Variants in MMP21 observed in about 807,000 individuals in gnomAD.
MMP21 encodes the protein matrix metallopeptidase 21, also known as matrix metalloproteinase-21.
In MMP21, 40 loss-of-function variants were observed where a neutral mutation model predicts 47.8. The ratio of observed to expected loss-of-function variants is 0.84; its 90% CI spans 0.65 to 1.09. The LOEUF (loss-of-function observed/expected upper bound fraction) is 1.09, where lower values mean the gene tolerates loss of function less well. Among genes scored for constraint, MMP21 ranks in the 50% least tolerant of loss-of-function variants. The pLI, the probability that MMP21 is intolerant of heterozygous loss-of-function variation, is 0.00. For synonymous variants in MMP21, 341 were observed against 318.0 expected (o/e 1.07, Z -0.77); for missense variants, 747 against 775.3 (o/e 0.96, Z 0.43).
Position 125,773,894 on chromosome 10 carries a change from C to G in MMP21, c.634G>C (p.Asp212His), listed in dbSNP as rs1311560538. The G allele has an allele frequency of 6.3e-7, 1 of 1,579,958 alleles. No individual in the cohort carries two copies. Among genetic ancestry groups the G allele is most frequent in the Non-Finnish European group, 8.5e-7 (1 of 1,170,138 alleles). ...FRMWSEVTPL[D>H]FREDLAAPGA... ...GGGGCGGCCAGGTCCTCGCGGAAGTCCAGCGGCGTCACCTCGCTCCACATC... is the reference window on the plus strand; with the variant it reads ...GGGGCGGCCAGGTCCTCGCGGAAGTGCAGCGGCGTCACCTCGCTCCACATC... The change falls in exon 2 of 7, where the codon GAC (aspartate) becomes CAC (histidine). Residue 212 changes from aspartate to histidine, a missense_variant. Coordinates refer to ENST00000368808, the MANE Select transcript of MMP21 (RefSeq NM_147191.1). The surrounding 1 kb of genome is among the most constrained non-coding windows in gnomAD (Gnocchi z 4.8).
chr10:125,772,274 T>A lies in MMP21; in HGVS notation c.923A>T (p.Gln308Leu). The A allele has an allele frequency of 1.2e-6, 2 of 1,614,176 alleles. No homozygotes were observed. The highest frequency in any genetic ancestry group is 1.7e-6 in the Non-Finnish European group (2 of 1,180,026). The stretch of plus-strand genomic sequence containing the variant: ...CCAGTCCAACTCAAAGGCAGGCTCC[T>A]GGGGAATGTAATTTGGTTGCATTAT... ...GSIMQPNYIPQEPAFELDWSD... is the reference protein window; with the variant it reads ...GSIMQPNYIPLEPAFELDWSD... Residue 308 changes from glutamine (Q) to leucine (L), a missense_variant, in exon 4 of 7, where the codon CAG (glutamine) becomes CTG (leucine). Physicochemically the swap from Gln to Leu is moderately radical, Grantham distance 113. Transcript: ENST00000368808. The surrounding 1 kb of genome is among the most constrained non-coding windows in gnomAD (Gnocchi z 5.6).
At position 125,772,293 on chromosome 10, in the gene MMP21, G is replaced by T. The variant is rs751663187; in HGVS notation, c.904C>A (p.Gln302Lys). The change falls in exon 4 of 7, where the codon CAA (glutamine) becomes AAA (lysine). Residue 302 changes from glutamine (Q) to lysine (K), a missense_variant. Coordinates refer to ENST00000368808, the MANE Select transcript of MMP21 (RefSeq NM_147191.1). The surrounding 1 kb of genome is among the most constrained non-coding windows in gnomAD (Gnocchi z 5.6). ...PHTYRTGSIM[Q>K]PNYIPQEPAF... ...GGCTCCTGGGGAATGTAATTTGGTTGCATTATGGATCCCGTCCTGTAGGTG... is the reference window on the plus strand; with the variant it reads ...GGCTCCTGGGGAATGTAATTTGGTTTCATTATGGATCCCGTCCTGTAGGTG... 2.5e-6 allele frequency: 4 copies of T among 1,614,210 alleles called. No homozygotes were observed. Among genetic ancestry groups the T allele is most frequent in the Non-Finnish European group, 3.4e-6 (4 of 1,180,030 alleles).
Position 125,773,034 on chromosome 10 carries a change from G to C in MMP21, c.698-284C>G, listed in dbSNP as rs566100490. On this transcript the variant is annotated intron_variant, in intron 2 of 6. Coordinates refer to ENST00000368808, the MANE Select transcript of MMP21 (RefSeq NM_147191.1). This position sits in a 1 kb window ranked among gnomAD's most constrained non-coding sequence, Gnocchi z 4.8. ...GGGGGCCTGGGAAGATGGCAAAAAG[G>C]CCTCACCCGGACAAGATCGGGGCCG... Among the ~76,000 whole-genome samples, 24 of 152,374 alleles carry C rather than the reference G, an allele frequency of 1.6e-4. No homozygotes were observed. The highest frequency in any genetic ancestry group is 5.5e-4 in the African/African-American group (23 of 41,588).
intron 1 of MMP21, 143 bp downstream of exon 1, chr10:125,775,514 ACTC>A: frequency 9.9e-7 from 1 of 1,006,688 alleles, no homozygotes; most frequent in South Asian, 2.0e-5. Flanking sequence ...CACAGGAGCC[ACTC>A]CTCCCTCTCA....
At position 125,770,585 on chromosome 10, in the gene MMP21, C is replaced by G. The variant is rs1288949568; in HGVS notation, c.986G>C (p.Cys329Ser). The change falls in exon 5 of 7, where the codon TGT becomes TCT. Residue 329 changes from cysteine (C) to serine (S), a missense_variant. By Grantham distance (112) the Cys-to-Ser change is moderately radical (BLOSUM62 -1). Transcript: ENST00000368808. ...AAACGCAGTATCAAATGATCCCTCA[C>G]AGGAGCCTTAAAAAAACAAACAAAA... ...RKAIQKLYGS[C>S]EGSFDTAFDW... 1 of 1,612,338 alleles carries G rather than the reference C, an allele frequency of 6.2e-7. No individual in the cohort carries two copies. The highest frequency in any genetic ancestry group is 8.5e-7 in the Non-Finnish European group (1 of 1,178,978).
At chr10:125,767,753 C>T (rs200918555) in intron 5 of MMP21, 49 bp from the exon 6 acceptor site, 12 of 1,584,278 alleles carry the variant, frequency 7.6e-6, no homozygotes, top group African/African-American at 4.1e-5. Flanking sequence ...TATTAAATCA[C>T]GTGACAAAAA....
rs536569661 is a variant in MMP21 at position 125,772,067 on chromosome 10, G to A, written c.979+151C>T. On this transcript the variant is annotated intron_variant, in intron 4 of 6. Transcript: ENST00000368808. This position sits in a 1 kb window ranked among gnomAD's most constrained non-coding sequence, Gnocchi z 5.6. Reference sequence around the variant, plus strand: ...TTTTAACTGAGAGAATGGCATCAGGGAGCTAGAGGGTGGCTACCCTTGGGT... The same window carrying A: ...TTTTAACTGAGAGAATGGCATCAGGAAGCTAGAGGGTGGCTACCCTTGGGT... 10 of 857,034 alleles carry A rather than the reference G, an allele frequency of 1.2e-5. No homozygotes were observed. The Admixed American group carries it at 2.3e-4, about 20-fold the overall frequency. 53.1% of individuals were successfully genotyped at this position (857,034 alleles called of 1,614,324 possible). A position where few individuals can be genotyped will look rare whatever the true frequency, so the allele number is the denominator to read the frequency against.
At chr10:125,767,797 G>A in intron 5 of MMP21, 93 bp from the exon 6 acceptor site, 1 of 1,285,654 alleles carries the variant, frequency 7.8e-7, no homozygotes, top group Non-Finnish European at 1.1e-6. Context: ...AGCCAATCCT[G>A]TACAATGTGT....
At position 125,775,711 on chromosome 10, in the gene MMP21, C is replaced by T. The variant is rs1251387384; in HGVS notation, c.111G>A (p.Glu37=). Residue 37 remains glutamate, a synonymous_variant, in exon 1 of 7, where the codon GAG becomes GAA. Transcript: ENST00000368808. ...GCTTGGCCTGGCGCAGTGGGGACGG[C>T]TCCAGGTCCGAGCGGTCCCGGCTGT... The part of the protein sequence containing the change: ...LFHSRDRSDL[E]PSPLRQAKPI... The T allele has an allele frequency of 3.1e-6, 5 of 1,613,422 alleles. No homozygotes were observed. Among genetic ancestry groups the T allele is most frequent in the Middle Eastern group, 1.6e-4 (1 of 6,080 alleles).
Position 125,772,521 on chromosome 10 carries a change from G to A in MMP21, c.837+90C>T, listed in dbSNP as rs559473041. 1.3e-6 allele frequency: 2 copies of A among 1,594,034 alleles called. No individual in the cohort carries two copies. The highest frequency in any genetic ancestry group is 1.7e-6 in the Non-Finnish European group (2 of 1,163,880). ...CGGATTCACCTCCTCAGAGGTTGCG[G>A]ACACTACATGAGAAAAGCTTGGACT... On this transcript the variant is annotated intron_variant, in intron 3 of 6. Coordinates refer to ENST00000368808, the MANE Select transcript of MMP21 (RefSeq NM_147191.1). This position sits in a 1 kb window ranked among gnomAD's most constrained non-coding sequence, Gnocchi z 5.6.
At chr10:125,775,152 C>A (rs1021286725) in intron 1 of MMP21, among the ~76,000 whole-genome samples, 1 of 152,178 alleles carries the variant, frequency 6.6e-6, no homozygotes, top group African/African-American at 2.4e-5. Flanking sequence ...CCCGCCACCA[C>A]GACTCTCTGG....
At chr10:125,770,304 G>A (rs375237734) in intron 5 of MMP21, 30 bp downstream of exon 5, 1 of 1,610,982 alleles carries the variant, frequency 6.2e-7, no homozygotes, top group Non-Finnish European at 8.5e-7. Flanking sequence ...TTTAATGAGA[G>A]AAATAGAACC....
At position 125,767,722 on chromosome 10, in the gene MMP21, T is replaced by TA; in HGVS notation, c.1238-19dup. The TA allele has an allele frequency of 6.2e-7, 1 of 1,613,048 alleles. No homozygotes were observed. Among genetic ancestry groups the TA allele is most frequent in the South Asian group, 1.1e-5 (1 of 91,040 alleles). On this transcript the variant is annotated intron_variant, in intron 5 of 6. Transcript: ENST00000368808. ...TTGATTTCCTGAGAGCCAAACAAAA[T>TA]ACGTTCATGTGGTTTATTACTATTA...
chr10:125,772,666 TC>T lies in MMP21; in HGVS notation c.781del (p.Asp261ThrfsTer40). 1 of 1,614,158 alleles carries T rather than the reference TC, an allele frequency of 6.2e-7. No individual in the cohort carries two copies. Among genetic ancestry groups the T allele is most frequent in the Non-Finnish European group, 8.5e-7 (1 of 1,180,014 alleles). ...HAWRLGDIHFDDDEHFTPPTS... is the reference protein window; with the variant it reads ...HAWRLGDIHFXDDEHFTPPTS... ...GGGAGGTGTGAAGTGCTCGTCGTCG[TC>T]AAAGTGAATGTCACCTAGGCGCCAG... On this transcript the variant is annotated frameshift_variant, in exon 3 of 7. Coordinates refer to ENST00000368808, the MANE Select transcript of MMP21 (RefSeq NM_147191.1). LOFTEE classifies it high-confidence loss of function. This position sits in a 1 kb window ranked among gnomAD's most constrained non-coding sequence, Gnocchi z 5.6.
chr10:125,772,087 T>G lies in MMP21; in HGVS notation c.979+131A>C, dbSNP rs1325622728. 8.7e-7 allele frequency: 1 copy of G among 1,142,930 alleles called. No individual in the cohort carries two copies. The highest frequency in any genetic ancestry group is 1.3e-6 in the Non-Finnish European group (1 of 797,384). The allele number at this position is 1,142,930 out of a possible 1,614,324, so 70.8% of individuals were successfully genotyped here. On this transcript the variant is annotated intron_variant, in intron 4 of 6. Transcript: ENST00000368808. This position sits in a 1 kb window ranked among gnomAD's most constrained non-coding sequence, Gnocchi z 5.6. ...TCAGGGAGCTAGAGGGTGGCTACCC[T>G]TGGGTGACATGAGTTGTACAACGTT...
rs767525512 is a variant in MMP21 at position 125,775,697 on chromosome 10, C to A, written c.125G>T (p.Arg42Leu). ...GAGGTCGGCAATGGGCTTGGCCTGG[C>A]GCAGTGGGGACGGCTCCAGGTCCGA... ...DRSDLEPSPL[R>L]QAKPIADLHA... is the part of the protein sequence containing the mutation. The change falls in exon 1 of 7, where the codon CGC becomes CTC. Residue 42 changes from arginine (R) to leucine (L), a missense_variant. Transcript: ENST00000368808. 6.2e-7 allele frequency: 1 copy of A among 1,612,918 alleles called. No homozygotes were observed. The highest frequency in any genetic ancestry group is 1.7e-5 in the Admixed American group (1 of 59,924).
Position 125,766,651 on chromosome 10 carries a change from ACTTTTT to A in MMP21, c.*5_*10del. On this transcript the variant is annotated 3_prime_UTR_variant, in exon 7 of 7. Transcript: ENST00000368808. ...GAAGTCCTATGACCCTCCATTTCCT[ACTTTTT>A]CTTATTACATGTTCAGTGTGGAGAT... 1 of 1,573,690 alleles carries A rather than the reference ACTTTTT, an allele frequency of 6.4e-7. No individual in the cohort carries two copies. The highest frequency in any genetic ancestry group is 8.6e-7 in the Non-Finnish European group (1 of 1,164,866).
In MMP21 at chr10:125,767,585, T is replaced by C. The variant is rs1340861629; in HGVS notation, c.1357A>G (p.Thr453Ala). ...TTCTGTCTTCGGTCATAAAACGCCGTGTCTAGGGGACTTGGGATGCCAGGA... is the reference window on the plus strand; with the variant it reads ...TTCTGTCTTCGGTCATAAAACGCCGCGTCTAGGGGACTTGGGATGCCAGGA... ...GFPGIPSPLD[T>A]AFYDRRQKLI... is the part of the protein sequence containing the mutation. The change falls in exon 6 of 7, where the codon ACG becomes GCG. Residue 453 changes from threonine (T) to alanine (A), a missense_variant. Transcript: ENST00000368808. The C allele has an allele frequency of 3.1e-6, 5 of 1,614,224 alleles. No individual in the cohort carries two copies. In the East Asian group the frequency reaches 1.1e-4, roughly 36 times the overall value.
intron 4 of MMP21, among the ~76,000 whole-genome samples, chr10:125,771,370 G>A (rs116572974): frequency 1.3e-3 from 192 of 151,998 alleles, no homozygotes; most frequent in African/African-American, 4.4e-3. Flanking sequence ...ATGGGGGGAT[G>A]TGAGAACAGA....
Sources: gnomAD v4.1 joint callset for allele counts (sites outside exome capture counted in the v4.1 genomes callset) on GRCh38, gnomAD v4.1.1 for gene constraint, Gnocchi (gnomAD v3.1) non-coding constraint, MANE v1.5 for transcripts, NCBI Gene and HGNC (gene_info 2026-07-23, HGNC 2026-07-21) for gene names.